Variants in HSD17B11 observed in about 807,000 individuals in gnomAD.
HSD17B11 encodes estradiol 17-beta-dehydrogenase 11.
A neutral mutation model predicts 27.8 loss-of-function variants in HSD17B11; 22 were observed. The ratio of observed to expected loss-of-function variants is 0.79; its 90% CI spans 0.56 to 1.13. The LOEUF (loss-of-function observed/expected upper bound fraction) is 1.13. HSD17B11 is among the 50% of genes most tolerant of loss of function. HSD17B11 has a pLI of 0.00. For synonymous variants in HSD17B11, 117 were observed against 132.8 expected, an observed-to-expected ratio of 0.88 and a Z score of 0.82; for missense variants, 314 against 351.1, an observed-to-expected ratio of 0.89 and a Z score of 0.84.
chr4:87,390,590 G>C (rs1720433001), intron 1 of HSD17B11, among the ~76,000 whole-genome samples: 1 of 152,108 alleles, frequency 6.6e-6, no homozygotes, highest in South Asian at 2.1e-4. Flanking sequence ...AATGAAATCA[G>C]GTTCAGGAAA....
chr4:87,390,870 A>G lies in HSD17B11; in HGVS notation c.201T>C (p.Asp67=). 3 of 1,613,742 alleles carry G rather than the reference A, an allele frequency of 1.9e-6. No homozygotes were observed. Among genetic ancestry groups the G allele is most frequent in the Non-Finnish European group, 8.5e-7 (1 of 1,179,598 alleles). The stretch of plus-strand genomic sequence containing the variant: ...TAGTAAACACTGTTACCTTATTTAT[A>G]TCCCAGAGAACCAGCTTGCTTTTAA... ...AKLKSKLVLW[D]INKHGLEETA... is the part of the protein sequence containing the mutation. Residue 67 remains aspartate (D), a synonymous_variant, in exon 1 of 7, where the codon GAT becomes GAC. Transcript: ENST00000358290.
chr4:87,357,949 ATTTTTTT>A (rs57139706), intron 4 of HSD17B11, among the ~76,000 whole-genome samples: 50 of 80,232 alleles, frequency 6.2e-4, no homozygotes, highest in South Asian at 1.1e-3. Context: ...CATTAGAGAA[ATTTTTTT>A]TTTTTTTTTT....
In HSD17B11 at chr4:87,357,948, A is replaced by ATTTTT. The variant is rs748955521; in HGVS notation, c.558-533_558-532insAAAAA. Among the ~76,000 whole-genome samples the ATTTTT allele has an allele frequency of 1.5e-3, 142 of 97,384 alleles. 7 individuals are homozygous for ATTTTT. The highest frequency in any genetic ancestry group is 5.9e-3 in the East Asian group (17 of 2,866). The allele number at this position is 97,384 out of a possible 152,430, so 63.9% of individuals were successfully genotyped here. ...TTTGTAACTGAACATTCATTAGAGAAATTTTTTTTTTTTTTTTTTTTTTTT... is the reference window on the plus strand; with the variant it reads ...TTTGTAACTGAACATTCATTAGAGAATTTTTATTTTTTTTTTTTTTTTTTTTTTTT... On this transcript the variant is annotated intron_variant, in intron 4 of 6. Coordinates refer to ENST00000358290, the MANE Select transcript of HSD17B11 (RefSeq NM_016245.5).
At chr4:87,386,596 CA>C (rs10706118) in intron 1 of HSD17B11, among the ~76,000 whole-genome samples, 51,132 of 149,682 alleles carry the variant, frequency 0.34, 9,476 homozygotes, top group African/African-American at 0.47. Context: ...AGCAGATCTT[CA>C]AAAAAAAAAT....
intron 1 of HSD17B11, among the ~76,000 whole-genome samples, chr4:87,390,094 C>CT (rs750048173): frequency 6.6e-6 from 1 of 152,052 alleles, no homozygotes; most frequent in African/African-American, 2.4e-5. Flanking sequence ...GGAAAAGATG[C>CT]TTTTTAAAAT....
intron 4 of HSD17B11, among the ~76,000 whole-genome samples, chr4:87,368,452 A>G (rs1735648543): frequency 1.3e-5 from 2 of 152,192 alleles, no homozygotes; most frequent in Admixed American, 1.3e-4. Flanking sequence ...TCATGGCCCC[A>G]TTCAGCCTGA....
At chr4:87,378,905 AATATATATAT>A (rs1290386830) in intron 2 of HSD17B11, among the ~76,000 whole-genome samples, 2 of 12,366 alleles carry the variant, frequency 1.6e-4, no homozygotes, top group African/African-American at 5.6e-4. Flanking sequence ...AATATATATA[AATATATATAT>A]ATAAATATAT....
chr4:87,354,804 C>T (rs1277832370), intron 5 of HSD17B11, among the ~76,000 whole-genome samples: 4 of 151,288 alleles, frequency 2.6e-5, no homozygotes, highest in Admixed American at 2.0e-4. Flanking sequence ...TTTGAGGGGG[C>T]AGAATAAAAC....
intron 5 of HSD17B11, among the ~76,000 whole-genome samples, chr4:87,355,738 T>C (rs1735369731): frequency 6.6e-6 from 1 of 152,094 alleles, no homozygotes; most frequent in African/African-American, 2.4e-5. Context: ...ACCCCATCTC[T>C]ATTAAAAATA....
At chr4:87,343,104 G>A (rs960842669) in intron 5 of HSD17B11, among the ~76,000 whole-genome samples, 1 of 152,098 alleles carries the variant, frequency 6.6e-6, no homozygotes, top group Non-Finnish European at 1.5e-5. Context: ...CCTATCAAGC[G>A]GTGCTGCATT....
At chr4:87,388,777 T>C (rs1370577972) in intron 1 of HSD17B11, among the ~76,000 whole-genome samples, 2 of 152,228 alleles carry the variant, frequency 1.3e-5, no homozygotes, top group African/African-American at 2.4e-5. Flanking sequence ...TAACAGATAA[T>C]AGGTGCTCAA....
chr4:87,357,568 A>C, intron 4 of HSD17B11, 152 bp from the exon 5 acceptor site: 1 of 640,208 alleles, frequency 1.6e-6, no homozygotes, highest in Non-Finnish European at 2.5e-6. Context: ...ACATCTTACA[A>C]GATTCTCAGG....
At chr4:87,363,772 T>C (rs1200663104) in intron 4 of HSD17B11, among the ~76,000 whole-genome samples, 3 of 152,262 alleles carry the variant, frequency 2.0e-5, no homozygotes, top group East Asian at 3.9e-4. Flanking sequence ...GTAGCTAAGG[T>C]TTTGCACTTT....
chr4:87,336,623 C>T lies in HSD17B11; in HGVS notation c.*653G>A, dbSNP rs1735063545. 1 of 152,232 alleles carries T rather than the reference C, an allele frequency of 6.6e-6. No individual in the cohort carries two copies. The highest frequency in any genetic ancestry group is 2.4e-5 in the African/African-American group (1 of 41,394). 9.4% of individuals were successfully genotyped at this position (152,232 alleles called of 1,614,324 possible). A position where few individuals can be genotyped will look rare whatever the true frequency, so the allele number is the denominator to read the frequency against. On this transcript the variant is annotated 3_prime_UTR_variant, in exon 7 of 7. Transcript: ENST00000358290. ...AAACACCAAAAGTTTAAGTGTGATC[C>T]ATTTATTATTGCTGCCATTTGTGGG...
chr4:87,354,823 T>C (rs1348017719), intron 5 of HSD17B11, among the ~76,000 whole-genome samples: 1 of 151,504 alleles, frequency 6.6e-6, no homozygotes, highest in Non-Finnish European at 1.5e-5. Flanking sequence ...ACTTAAAAAT[T>C]GAATCTTGGC....
chr4:87,379,287 C>A (rs542032134), intron 2 of HSD17B11, among the ~76,000 whole-genome samples: 1 of 150,596 alleles, frequency 6.6e-6, no homozygotes, highest in African/African-American at 2.4e-5. Flanking sequence ...GCATAAGCCA[C>A]GCTCCAGCAG....
At chr4:87,366,525 A>G (rs1040927190) in intron 4 of HSD17B11, among the ~76,000 whole-genome samples, 2 of 152,202 alleles carry the variant, frequency 1.3e-5, no homozygotes, top group Non-Finnish European at 2.9e-5. Flanking sequence ...CTATATTTGT[A>G]TAAATATGTT....
chr4:87,371,694 A>G (rs1159633012), intron 4 of HSD17B11, among the ~76,000 whole-genome samples: 2 of 151,670 alleles, frequency 1.3e-5, no homozygotes, highest in East Asian at 3.8e-4. Flanking sequence ...AGTAATCTTT[A>G]GCACATCTCT....
intron 5 of HSD17B11, among the ~76,000 whole-genome samples, chr4:87,354,949 C>CAAAA (rs11305478): frequency 2.9e-4 from 27 of 91,874 alleles, no homozygotes; most frequent in Non-Finnish European, 4.0e-4. Context: ...TCCTGGCTCT[C>CAAAA]AAAAAAAAAA....
Sources: gnomAD v4.1 joint callset for allele counts (sites outside exome capture counted in the v4.1 genomes callset) on GRCh38, gnomAD v4.1.1 for gene constraint, MANE v1.5 for transcripts, NCBI Gene and HGNC (gene_info 2026-07-23, HGNC 2026-07-21) for gene names.